Variants in PELP1 observed in about 807,000 individuals in gnomAD.
PELP1 encodes proline-, glutamic acid- and leucine-rich protein 1.
PELP1 carries 32 observed loss-of-function variants against 95.5 expected under a neutral mutation model. The ratio of observed to expected loss-of-function variants is 0.34; its 90% CI spans 0.25 to 0.45. The LOEUF (loss-of-function observed/expected upper bound fraction) is 0.45. Ranked by LOEUF, PELP1 falls within the 20% of genes least tolerant of loss-of-function variation. The pLI is 1.00. For synonymous variants in PELP1, 668 were observed against 600.1 expected (o/e 1.11, Z -1.65); for missense variants, 1,358 against 1,444.8 (o/e 0.94, Z 0.97).
chr17:4,703,872 G>A lies in PELP1; in HGVS notation c.240C>T (p.Gly80=), dbSNP rs765564738. ...MCLLRLHGSV[G]GAQNLSALGA... Reference sequence around the variant, plus strand: ...CGGGCCACGGACTCACCTGGGCCCCGCCCACCGACCCATGCAGCCGCAATA... The same window carrying A: ...CGGGCCACGGACTCACCTGGGCCCCACCCACCGACCCATGCAGCCGCAATA... The change falls in exon 1 of 17, where the codon GGC becomes GGT. Residue 80 remains glycine (G), a synonymous_variant. Coordinates refer to ENST00000572293, the MANE Select transcript of PELP1 (RefSeq NM_014389.3). The A allele has an allele frequency of 1.9e-6, 3 of 1,610,826 alleles. No individual in the cohort carries two copies. Among genetic ancestry groups the A allele is most frequent in the East Asian group, 4.5e-5 (2 of 44,802 alleles).
intron 3 of PELP1, among the ~76,000 whole-genome samples, chr17:4,684,951 G>A (rs1912852802): frequency 6.6e-6 from 1 of 152,056 alleles, no homozygotes. Context: ...TGCCTGCCTT[G>A]GCCTCCCAAA....
chr17:4,671,386 G>T lies in PELP1; in HGVS notation c.*53C>A. ...GTGGCAAAAGGCAGAAGCAGCAGTC[G>T]CTATCTAAGGACATAACTTTATTGG... On this transcript the variant is annotated 3_prime_UTR_variant, in exon 17 of 17. Coordinates refer to ENST00000572293, the MANE Select transcript of PELP1 (RefSeq NM_014389.3). The T allele has an allele frequency of 2.0e-6, 2 of 995,054 alleles. No individual in the cohort carries two copies. The highest frequency in any genetic ancestry group is 3.2e-6 in the Non-Finnish European group (2 of 618,760). The allele number at this position is 995,054 out of a possible 1,614,324, so 61.6% of individuals were successfully genotyped here. A position where few individuals can be genotyped will look rare whatever the true frequency, so the allele number is the denominator to read the frequency against.
chr17:4,690,830 C>T, intron 3 of PELP1, 58 bp downstream of exon 3: 1 of 1,085,712 alleles, frequency 9.2e-7, no homozygotes, highest in Non-Finnish European at 1.4e-6. Context: ...ATGCCACATC[C>T]AAGATGGGGA....
At chr17:4,693,935 G>A (rs1036698391) in intron 1 of PELP1, among the ~76,000 whole-genome samples, 2 of 152,134 alleles carry the variant, frequency 1.3e-5, no homozygotes, top group Non-Finnish European at 2.9e-5. Flanking sequence ...AATGGCACCC[G>A]CCTGTAGTCC....
chr17:4,683,817 A>T (rs1238589440), intron 3 of PELP1, among the ~76,000 whole-genome samples: 2 of 141,058 alleles, frequency 1.4e-5, no homozygotes, highest in Non-Finnish European at 3.0e-5. Flanking sequence ...GGCGTGAGCC[A>T]CAGTGCCCAG....
At chr17:4,700,195 A>G (rs1254051704) in intron 1 of PELP1, among the ~76,000 whole-genome samples, 4 of 152,054 alleles carry the variant, frequency 2.6e-5, no homozygotes, top group African/African-American at 9.7e-5. Context: ...GTGAGCCATC[A>G]CGCCTGGCCG....
intron 5 of PELP1, among the ~76,000 whole-genome samples, chr17:4,682,265 A>G (rs778359916): frequency 1.3e-5 from 2 of 152,354 alleles, no homozygotes; most frequent in South Asian, 4.1e-4. Flanking sequence ...TGGCTTAGGC[A>G]TCAAACAGAT....
rs370035715 is a variant in PELP1, at chr17:4,671,705, C to A, written c.3286G>T (p.Ala1096Ser). ...TGGCCTCTCACCTTTTCCTGGAGAG[C>A]TTCGGCCTCTGTCTCTGTCTCCATC... The part of the protein sequence containing the change: ...EEMETETEAE[A>S]LQEKEQDDTA... The change falls in exon 16 of 17, where the codon GCT becomes TCT. Residue 1096 changes from alanine to serine, a missense_variant. By Grantham distance (99) the Ala-to-Ser change is moderately conservative. Coordinates refer to ENST00000572293, the MANE Select transcript of PELP1 (RefSeq NM_014389.3). 34 of 1,562,060 alleles carry A rather than the reference C, an allele frequency of 2.2e-5. No homozygotes were observed. Among genetic ancestry groups the A allele is most frequent in the Non-Finnish European group, 2.8e-5 (33 of 1,159,134 alleles).
chr17:4,684,557 C>A (rs1459249519), intron 3 of PELP1, among the ~76,000 whole-genome samples: 1 of 152,146 alleles, frequency 6.6e-6, no homozygotes, highest in Non-Finnish European at 1.5e-5. Context: ...TACTATCTTC[C>A]TCCCTTCCTC....
intron 5 of PELP1, among the ~76,000 whole-genome samples, chr17:4,680,077 AC>A (rs1197852028): frequency 2.6e-5 from 4 of 152,182 alleles, no homozygotes; most frequent in Non-Finnish European, 5.9e-5. Context: ...TGGTTACGTC[AC>A]TTAAGTCCCT....
At chr17:4,689,118 G>A (rs1053451556) in intron 3 of PELP1, among the ~76,000 whole-genome samples, 1 of 152,302 alleles carries the variant, frequency 6.6e-6, no homozygotes, top group Admixed American at 6.5e-5. Context: ...TCAACAAATG[G>A]TTCTGGGATA....
At chr17:4,701,045 T>C (rs1050006393) in intron 1 of PELP1, among the ~76,000 whole-genome samples, 12 of 133,502 alleles carry the variant, frequency 9.0e-5, no homozygotes, top group African/African-American at 8.5e-5. Flanking sequence ...GAAATAACAT[T>C]GGCAAACGTT....
chr17:4,681,328 T>A (rs1670225268), intron 5 of PELP1, among the ~76,000 whole-genome samples: 1 of 151,728 alleles, frequency 6.6e-6, no homozygotes, highest in Non-Finnish European at 1.5e-5. Flanking sequence ...CTACAACAAA[T>A]ATAAAAATTA....
Position 4,674,670 on chromosome 17 carries a change from C to T in PELP1, c.1423-1G>A. On this transcript the variant is annotated splice_acceptor_variant, in intron 12 of 16. Transcript: ENST00000572293. LOFTEE classifies it high-confidence loss of function. Reference sequence around the variant, plus strand: ...CAGGGCTCCCCCGCGGGCTACGCAGCTGGAGGCAGAGAAAACATAAATCAC... The same window carrying T: ...CAGGGCTCCCCCGCGGGCTACGCAGTTGGAGGCAGAGAAAACATAAATCAC... 6.3e-7 allele frequency: 1 copy of T among 1,594,248 alleles called. No individual in the cohort carries two copies.
intron 5 of PELP1, among the ~76,000 whole-genome samples, chr17:4,681,550 C>A (rs1004302341): frequency 6.6e-6 from 1 of 151,310 alleles, no homozygotes; most frequent in South Asian, 2.1e-4. Flanking sequence ...GCCTGTAATC[C>A]CAGCATTTTG....
intron 5 of PELP1, among the ~76,000 whole-genome samples, chr17:4,678,116 AG>A (rs1912560003): frequency 6.6e-6 from 1 of 151,968 alleles, no homozygotes; most frequent in African/African-American, 2.4e-5. Flanking sequence ...TGGGAGGCTG[AG>A]GCAGGAGAAT....
intron 5 of PELP1, among the ~76,000 whole-genome samples, chr17:4,680,659 C>G (rs1440811933): frequency 6.6e-6 from 1 of 152,196 alleles, no homozygotes; most frequent in Non-Finnish European, 1.5e-5. Context: ...GTTAACTCCA[C>G]CAGTTAAACA....
rs1350637406 is a variant in PELP1 at position 4,671,422 on chromosome 17, T to C, written c.*17A>G. The C allele has an allele frequency of 8.1e-7, 1 of 1,240,336 alleles. No individual in the cohort carries two copies. Among genetic ancestry groups the C allele is most frequent in the Non-Finnish European group, 1.2e-6 (1 of 839,302 alleles). 76.8% of individuals were successfully genotyped at this position (1,240,336 alleles called of 1,614,324 possible). The stretch of plus-strand genomic sequence containing the variant: ...ACATAACTTTATTGGAAACAAAGAG[T>C]GGGGTGCAGAAGATGGCTAGGAGTC... On this transcript the variant is annotated 3_prime_UTR_variant, in exon 17 of 17. Transcript: ENST00000572293.
At chr17:4,695,778 AG>A (rs2150565256) in intron 1 of PELP1, among the ~76,000 whole-genome samples, 1 of 150,538 alleles carries the variant, frequency 6.6e-6, no homozygotes, top group Non-Finnish European at 1.5e-5. Context: ...TAGGAGTTTG[AG>A]AACAGCCTTG....
Sources: gnomAD v4.1 joint callset for allele counts (sites outside exome capture counted in the v4.1 genomes callset) on GRCh38, gnomAD v4.1.1 for gene constraint, MANE v1.5 for transcripts, NCBI Gene and HGNC (gene_info 2026-07-23, HGNC 2026-07-21) for gene names.